Variants in PITPNB observed in about 807,000 individuals in gnomAD.
PITPNB encodes phosphatidylinositol transfer protein beta isoform.
In PITPNB, 16 loss-of-function variants were observed where a neutral mutation model predicts 45.9. That is an observed-to-expected ratio of 0.35 (90% CI 0.24 to 0.53). The LOEUF (loss-of-function observed/expected upper bound fraction) is 0.53, where lower values mean the gene tolerates loss of function less well. Among genes scored for constraint, PITPNB ranks in the 20% least tolerant of loss-of-function variants. The pLI, the probability that PITPNB is intolerant of heterozygous loss-of-function variation, is 0.93. For missense variants in PITPNB, 188 were observed against 330.5 expected, an observed-to-expected ratio of 0.57 and a Z score of 3.34; for synonymous variants, 112 against 108.9, an observed-to-expected ratio of 1.03 and a Z score of -0.18.
intron 10 of PITPNB, among the ~76,000 whole-genome samples, chr22:27,855,305 G>T (rs1242602830): frequency 6.6e-6 from 1 of 152,236 alleles, no homozygotes; most frequent in Non-Finnish European, 1.5e-5. Flanking sequence ...AGCCATGAGG[G>T]TGTGGGCCAC....
At chr22:27,855,078 C>T (rs1601370642) in intron 10 of PITPNB, 139 bp from the exon 11 acceptor site, 1 of 610,042 alleles carries the variant, frequency 1.6e-6, no homozygotes, top group East Asian at 2.9e-5. Context: ...AGTTCTGTGG[C>T]CCCTCAAATA....
Position 27,896,562 on chromosome 22 carries a change from G to A in PITPNB, c.362C>T (p.Thr121Ile), listed in dbSNP as rs748562730. 7 of 1,607,610 alleles carry A rather than the reference G, an allele frequency of 4.4e-6. No individual in the cohort carries two copies. The highest frequency in any genetic ancestry group is 5.1e-6 in the Non-Finnish European group (6 of 1,174,170). Residue 121 changes from threonine (T) to isoleucine (I), a missense_variant, in exon 6 of 12, where the codon ACA becomes ATA. Thr to Ile is a moderately conservative substitution (Grantham distance 89, BLOSUM62 -1). Coordinates refer to ENST00000335272, the MANE Select transcript of PITPNB (RefSeq NM_012399.5). ...IETWHKPDLG[T>I]LENVHGLDPN... The stretch of plus-strand genomic sequence containing the variant: ...AGAGTTGAAACTTACATTTTCTAAT[G>A]TTCCCAAGTCTGGTTTGTGCCATGT...
chr22:27,872,418 A>C (rs943403928), intron 8 of PITPNB, among the ~76,000 whole-genome samples: 3 of 150,586 alleles, frequency 2.0e-5, no homozygotes, highest in African/African-American at 7.4e-5. Flanking sequence ...TATAATACCC[A>C]TTCTCAGGTT....
rs1355450290 is a variant in PITPNB at position 27,858,343 on chromosome 22, G to C, written c.768+44C>G. The C allele has an allele frequency of 9.2e-6, 14 of 1,523,604 alleles. No homozygotes were observed. The African/African-American group carries it at 1.8e-4, about 20-fold the overall frequency. 94.4% of individuals were successfully genotyped at this position (1,523,604 alleles called of 1,614,324 possible). ...TTTACCAAGCATGTATACAGTTTTA[G>C]AAAAGGGAAAATTAGAGAATTGCCA... On this transcript the variant is annotated intron_variant, in intron 10 of 11. Coordinates refer to ENST00000335272, the MANE Select transcript of PITPNB (RefSeq NM_012399.5).
chr22:27,874,428 A>G (rs1934758934), intron 7 of PITPNB, among the ~76,000 whole-genome samples: 1 of 152,166 alleles, frequency 6.6e-6, no homozygotes, highest in Non-Finnish European at 1.5e-5. Context: ...CCTCACTGTC[A>G]AAGGAGGCGA....
chr22:27,919,092 A>AATATCCTACC (rs762638399), intron 1 of PITPNB, 80 bp downstream of exon 1: 1 of 1,610,370 alleles, frequency 6.2e-7, no homozygotes, highest in South Asian at 1.1e-5. Flanking sequence ...CCGATTTAGG[A>AATATCCTACC]ATATCCTACC....
chr22:27,859,666 A>T (rs1934264428), intron 9 of PITPNB, among the ~76,000 whole-genome samples: 1 of 152,212 alleles, frequency 6.6e-6, no homozygotes, highest in Non-Finnish European at 1.5e-5. Context: ...CCCATTTTTC[A>T]GTAAAGACCT....
At chr22:27,892,597 A>C (rs1405189585) in intron 7 of PITPNB, among the ~76,000 whole-genome samples, 1 of 152,144 alleles carries the variant, frequency 6.6e-6, no homozygotes, top group East Asian at 1.9e-4. Context: ...CCTAGTCATT[A>C]ACTAACTCAC....
chr22:27,896,214 T>A (rs1847810122), intron 6 of PITPNB, among the ~76,000 whole-genome samples: 1 of 152,186 alleles, frequency 6.6e-6, no homozygotes, highest in Non-Finnish European at 1.5e-5. Flanking sequence ...GCAGAGCAGC[T>A]CTGACAAACA....
At position 27,853,416 on chromosome 22, in the gene PITPNB, C is replaced by T. The variant is rs1169629403; in HGVS notation, c.*286G>A. The T allele has an allele frequency of 5.7e-6, 3 of 525,978 alleles. No individual in the cohort carries two copies. The highest frequency in any genetic ancestry group is 1.0e-5 in the Non-Finnish European group (3 of 296,816). 32.6% of individuals were successfully genotyped at this position (525,978 alleles called of 1,614,324 possible). On this transcript the variant is annotated 3_prime_UTR_variant, in exon 12 of 12. Coordinates refer to ENST00000335272, the MANE Select transcript of PITPNB (RefSeq NM_012399.5). Reference sequence around the variant, plus strand: ...TTTGGAGAAATTGTACTAATCCCTTCAGTATGTCTGTATGTACATATATAC... The same window carrying T: ...TTTGGAGAAATTGTACTAATCCCTTTAGTATGTCTGTATGTACATATATAC...
At chr22:27,887,763 T>A (rs1411160138) in intron 7 of PITPNB, among the ~76,000 whole-genome samples, 1 of 152,150 alleles carries the variant, frequency 6.6e-6, no homozygotes, top group Non-Finnish European at 1.5e-5. Context: ...CTCCCTGCCA[T>A]AAGTCACCCT....
intron 3 of PITPNB, among the ~76,000 whole-genome samples, chr22:27,909,842 T>C (rs1267243741): frequency 6.6e-6 from 1 of 152,046 alleles, no homozygotes; most frequent in Non-Finnish European, 1.5e-5. Context: ...TGAAGTGCAG[T>C]GATCACAGCC....
chr22:27,866,189 T>C (rs1008368989), intron 8 of PITPNB, among the ~76,000 whole-genome samples: 104 of 152,324 alleles, frequency 6.8e-4, no homozygotes, highest in African/African-American at 2.3e-3. Flanking sequence ...TTATGACTCA[T>C]TGCTACGTAA....
At chr22:27,864,767 G>A (rs1036993075) in intron 8 of PITPNB, among the ~76,000 whole-genome samples, 8 of 151,916 alleles carry the variant, frequency 5.3e-5, no homozygotes, top group East Asian at 1.9e-4. Context: ...GTGAAACCCC[G>A]TCTCTACTAA....
intron 7 of PITPNB, among the ~76,000 whole-genome samples, chr22:27,876,705 T>C (rs913020031): frequency 3.9e-5 from 6 of 151,974 alleles, no homozygotes; most frequent in African/African-American, 7.2e-5. Context: ...ATCTGAAAAC[T>C]GGCCAATTTA....
At chr22:27,880,850 A>C (rs1934950074) in intron 7 of PITPNB, among the ~76,000 whole-genome samples, 1 of 152,140 alleles carries the variant, frequency 6.6e-6, no homozygotes, top group African/African-American at 2.4e-5. Flanking sequence ...TCGAACTCCC[A>C]ACTTAGGTGA....
rs937341827 is a variant in PITPNB, at chr22:27,877,852, T to C, written c.457-4037A>G. On this transcript the variant is annotated intron_variant, in intron 7 of 11. Transcript: ENST00000335272. ...CAGAAACTGCTTAAATAACCATGCATGGGTTACTAGAGGTGAGGCTAAGTG... is the reference window on the plus strand; with the variant it reads ...CAGAAACTGCTTAAATAACCATGCACGGGTTACTAGAGGTGAGGCTAAGTG... Among the ~76,000 whole-genome samples the C allele has an allele frequency of 5.3e-5, 8 of 152,104 alleles. No homozygotes were observed. The East Asian group carries it at 5.8e-4, about 11-fold the overall frequency.
rs1220822480 is a variant in PITPNB, at chr22:27,853,014, C to A, written c.*688G>T. The A allele has an allele frequency of 6.6e-6, 1 of 152,582 alleles. No homozygotes were observed. The highest frequency in any genetic ancestry group is 1.5e-5 in the Non-Finnish European group (1 of 68,028). 9.5% of individuals were successfully genotyped at this position (152,582 alleles called of 1,614,324 possible). The stretch of plus-strand genomic sequence containing the variant: ...CAAACAAGTAAAAACTGGCCTGTAA[C>A]TTTGCTCCTTACTTTATATTGTCAA... On this transcript the variant is annotated 3_prime_UTR_variant, in exon 12 of 12. Transcript: ENST00000335272.
intron 3 of PITPNB, among the ~76,000 whole-genome samples, chr22:27,898,533 T>G (rs1278480930): frequency 6.6e-6 from 1 of 151,828 alleles, no homozygotes. Context: ...ATTAATACAA[T>G]GTAGTTCTTA....
Sources: gnomAD v4.1 joint callset for allele counts (sites outside exome capture counted in the v4.1 genomes callset) on GRCh38, gnomAD v4.1.1 for gene constraint, MANE v1.5 for transcripts, NCBI Gene and HGNC (gene_info 2026-07-23, HGNC 2026-07-21) for gene names.